GRM1: variants seen among roughly 807,000 people sequenced by gnomAD.
GRM1 encodes the protein glutamate metabotropic receptor 1.
GRM1 carries 33 observed loss-of-function variants against 90.9 expected under a neutral mutation model. The observed-to-expected ratio is 0.36, with a 90% confidence interval of 0.28 to 0.49. GRM1 has a LOEUF of 0.49. GRM1 is among the 20% of genes least tolerant of loss of function. GRM1 has a pLI of 0.99. For synonymous variants in GRM1, 700 were observed against 613.2 expected (o/e 1.14, Z -2.09); for missense variants, 1,190 against 1,534.3 (o/e 0.78, Z 3.75).
chr6:146,304,827 C>T lies in GRM1; in HGVS notation c.1167C>T (p.Asn389=). The T allele has an allele frequency of 1.2e-6, 2 of 1,611,794 alleles. No individual in the cohort carries two copies. The highest frequency in any genetic ancestry group is 1.7e-6 in the Non-Finnish European group (2 of 1,177,926). ...CAGGACACCTTCTGGAAAATCCCAACTTTAAACGAATCTGCACAGGTAACT... is the reference window on the plus strand; with the variant it reads ...CAGGACACCTTCTGGAAAATCCCAATTTTAAACGAATCTGCACAGGTAACT... ...RLPGHLLENP[N]FKRICTGNES... Residue 389 remains asparagine (N), a synonymous_variant, in exon 3 of 8, where the codon AAC becomes AAT. Coordinates refer to ENST00000282753, the MANE Select transcript of GRM1 (RefSeq NM_001278064.2).
At chr6:146,090,903 C>A (rs1776693781) in intron 1 of GRM1, among the ~76,000 whole-genome samples, 1 of 152,036 alleles carries the variant, frequency 6.6e-6, no homozygotes, top group Admixed American at 6.6e-5. Flanking sequence ...CAATCAATGA[C>A]ATTCCTCTTC....
chr6:146,327,133 G>A (rs1306614495), intron 3 of GRM1, among the ~76,000 whole-genome samples: 1 of 152,102 alleles, frequency 6.6e-6, no homozygotes, highest in Admixed American at 6.6e-5. Flanking sequence ...GCTATTCATA[G>A]TTTCTTAATT....
At chr6:146,372,745 C>A (rs1775949904) in intron 5 of GRM1, among the ~76,000 whole-genome samples, 1 of 151,920 alleles carries the variant, frequency 6.6e-6, no homozygotes. Flanking sequence ...GTTATTGGTA[C>A]CTTTGTCAAA....
At chr6:146,102,410 A>C (rs1007405174) in intron 1 of GRM1, among the ~76,000 whole-genome samples, 7 of 152,242 alleles carry the variant, frequency 4.6e-5, no homozygotes, top group Non-Finnish European at 8.8e-5. Context: ...AACTGAGCTC[A>C]TAAATCTTTT....
At chr6:146,284,226 T>C (rs920824186) in intron 2 of GRM1, among the ~76,000 whole-genome samples, 2 of 152,138 alleles carry the variant, frequency 1.3e-5, no homozygotes, top group East Asian at 3.9e-4. Flanking sequence ...CTATTAGTAA[T>C]AATATGAAGA....
intron 1 of GRM1, among the ~76,000 whole-genome samples, chr6:146,121,307 G>A (rs990206456): frequency 5.9e-5 from 9 of 152,046 alleles, no homozygotes; most frequent in East Asian, 3.9e-4. Flanking sequence ...TTTTTATTGC[G>A]TCTATTTGAT....
At chr6:146,088,899 A>G (rs1554264903) in intron 1 of GRM1, among the ~76,000 whole-genome samples, 1 of 152,118 alleles carries the variant, frequency 6.6e-6, no homozygotes, top group Non-Finnish European at 1.5e-5. Context: ...AATCAATATA[A>G]GTATAAACAC....
chr6:146,374,387 G>A (rs1489656927), intron 5 of GRM1, among the ~76,000 whole-genome samples: 2 of 152,094 alleles, frequency 1.3e-5, no homozygotes, highest in Non-Finnish European at 2.9e-5. Context: ...CTTATAGAAT[G>A]AGTTTGGAAG....
chr6:146,038,189 G>T (rs774110167), intron 1 of GRM1, among the ~76,000 whole-genome samples: 7 of 151,934 alleles, frequency 4.6e-5, no homozygotes, highest in Non-Finnish European at 1.0e-4. Context: ...CCTTCTCTAT[G>T]AGGGTTGTGG....
chr6:146,386,257 G>T lies in GRM1; in HGVS notation c.1603-633G>T, dbSNP rs1233231585. 2.0e-5 allele frequency among the ~76,000 whole-genome samples: 3 copies of T among 152,054 alleles called. No individual in the cohort carries two copies. The East Asian group carries it at 5.8e-4, about 29-fold the overall frequency. The stretch of plus-strand genomic sequence containing the variant: ...AATGGGGGAAAGTTTAAACTGCTCA[G>T]ATATTAAGCAGCTCTCCAGTAATTT... On this transcript the variant is annotated intron_variant, in intron 5 of 7. Transcript: ENST00000282753.
At chr6:146,213,611 G>T (rs1200458985) in intron 2 of GRM1, among the ~76,000 whole-genome samples, 2 of 151,854 alleles carry the variant, frequency 1.3e-5, no homozygotes, top group Non-Finnish European at 2.9e-5. Flanking sequence ...ATATGCATTA[G>T]TCACTTAACT....
At chr6:146,346,641 T>C (rs1785199854) in intron 3 of GRM1, among the ~76,000 whole-genome samples, 1 of 152,084 alleles carries the variant, frequency 6.6e-6, no homozygotes, top group African/African-American at 2.4e-5. Flanking sequence ...CAAGCAAAAT[T>C]GAGGGCACTT....
intron 1 of GRM1, among the ~76,000 whole-genome samples, chr6:146,096,420 T>C (rs1776875651): frequency 1.3e-5 from 2 of 152,176 alleles, no homozygotes; most frequent in South Asian, 4.1e-4. Flanking sequence ...CTTTCAGCCA[T>C]CAGCTATACA....
chr6:146,073,651 G>T (rs1776088809), intron 1 of GRM1, among the ~76,000 whole-genome samples: 1 of 152,076 alleles, frequency 6.6e-6, no homozygotes, highest in Non-Finnish European at 1.5e-5. Context: ...GTAGAGTGTT[G>T]TCTGCAAAAC....
intron 2 of GRM1, among the ~76,000 whole-genome samples, chr6:146,295,564 T>A (rs900411291): frequency 2.0e-5 from 3 of 152,136 alleles, no homozygotes; most frequent in African/African-American, 4.8e-5. Flanking sequence ...CATATCACTA[T>A]GTTTTTGGAA....
intron 2 of GRM1, among the ~76,000 whole-genome samples, chr6:146,229,790 G>C (rs1024800559): frequency 1.6e-4 from 24 of 152,078 alleles, no homozygotes; most frequent in Admixed American, 5.9e-4. Context: ...CATGTACTGA[G>C]TGTTTATGCT....
chr6:146,205,135 GGGTTCAATTGA>G (rs1779449879), intron 2 of GRM1, among the ~76,000 whole-genome samples: 1 of 152,012 alleles, frequency 6.6e-6, no homozygotes, highest in African/African-American at 2.4e-5. Flanking sequence ...GGATAGTTTG[GGGTTCAATTGA>G]GGACATGTTT....
intron 5 of GRM1, among the ~76,000 whole-genome samples, chr6:146,386,175 GT>G (rs1562657282): frequency 6.6e-6 from 1 of 151,978 alleles, no homozygotes; most frequent in Non-Finnish European, 1.5e-5. Flanking sequence ...AATGGAATGT[GT>G]TTTTATGTTT....
chr6:146,166,681 A>G (rs993469877), intron 2 of GRM1, among the ~76,000 whole-genome samples: 2 of 152,142 alleles, frequency 1.3e-5, no homozygotes, highest in Non-Finnish European at 2.9e-5. Flanking sequence ...GCATTTAAAC[A>G]TAACTCAAGG....
Sources: allele counts gnomAD v4.1 joint callset (sites outside exome capture counted in the v4.1 genomes callset), GRCh38; gene constraint gnomAD v4.1.1; transcripts MANE v1.5; gene names NCBI Gene and HGNC (gene_info 2026-07-23, HGNC 2026-07-21).